Variants in RBFOX1 observed in about 807,000 individuals in gnomAD.
The protein encoded by RBFOX1 is RNA binding fox-1 homolog 1.
In RBFOX1, 8 loss-of-function variants were observed where a neutral mutation model predicts 57.7. The ratio of observed to expected loss-of-function variants is 0.14; its 90% CI spans 0.08 to 0.25. RBFOX1 has a LOEUF of 0.25. Ranked by LOEUF, RBFOX1 falls within the 10% of genes least tolerant of loss-of-function variation. The pLI, the probability that RBFOX1 is intolerant of heterozygous loss-of-function variation, is 1.00. For synonymous variants in RBFOX1, 326 were observed against 222.4 expected, an observed-to-expected ratio of 1.47 and a Z score of -4.15; for missense variants, 611 against 548.5, an observed-to-expected ratio of 1.11 and a Z score of -1.14.
At chr16:6,519,440 G>A (rs532171822) in intron 2 of RBFOX1, among the ~76,000 whole-genome samples, 2 of 152,136 alleles carry the variant, frequency 1.3e-5, no homozygotes, top group Non-Finnish European at 2.9e-5. Context: ...GTGGCTCATG[G>A]CTGTAATCCC....
chr16:7,114,547 G>C (rs17142384), intron 4 of RBFOX1, among the ~76,000 whole-genome samples: 1,856 of 152,280 alleles, frequency 0.012, 46 homozygotes, highest in African/African-American at 0.042. Flanking sequence ...GACACCATGA[G>C]CCTAATGAGA....
Position 6,227,274 on chromosome 16 carries a change from C to A in RBFOX1, c.-126-89721C>A, listed in dbSNP as rs568466900. ...AAACGCACCCTCAGAGCGTTTGATT[C>A]AGTGATTCTAAAACGGAGTCTAAGA... On this transcript the variant is annotated intron_variant, in intron 1 of 15. Coordinates refer to ENST00000550418, the MANE Select transcript of RBFOX1 (RefSeq NM_018723.4). 2.0e-5 allele frequency among the ~76,000 whole-genome samples: 3 copies of A among 152,258 alleles called. No individual in the cohort carries two copies. The East Asian group carries it at 5.8e-4, about 29-fold the overall frequency.
chr16:7,393,885 G>A (rs1031052141), intron 4 of RBFOX1, among the ~76,000 whole-genome samples: 1 of 152,226 alleles, frequency 6.6e-6, no homozygotes, highest in African/African-American at 2.4e-5. Flanking sequence ...AAACACCCAC[G>A]TCAGCAGGAA....
At chr16:6,641,086 G>A (rs1206842236) in intron 2 of RBFOX1, among the ~76,000 whole-genome samples, 4 of 152,194 alleles carry the variant, frequency 2.6e-5, no homozygotes, top group African/African-American at 9.7e-5. Context: ...TGCTTAAATG[G>A]AGTGCACTAA....
At chr16:5,810,084 C>A (rs1485038171) in intron 3 of RBFOX1, among the ~76,000 whole-genome samples, 3 of 151,458 alleles carry the variant, frequency 2.0e-5, no homozygotes, top group African/African-American at 7.3e-5. Context: ...GACAAAAAAC[C>A]AAACACCATA....
intron 1 of RBFOX1, among the ~76,000 whole-genome samples, chr16:5,351,425 A>G (rs1276889844): frequency 2.0e-5 from 3 of 152,136 alleles, no homozygotes; most frequent in African/African-American, 7.2e-5. Context: ...GTGGGAGAGA[A>G]AGGCAGGATT....
intron 1 of RBFOX1, among the ~76,000 whole-genome samples, chr16:5,303,564 A>G (rs11649669): frequency 0.63 from 95,531 of 151,908 alleles, 30,761 homozygotes; most frequent in South Asian, 0.73. Context: ...AGTGTTTTAG[A>G]TAAACTTCAG....
chr16:7,565,917 C>T (rs780691590), intron 5 of RBFOX1, among the ~76,000 whole-genome samples: 1 of 151,858 alleles, frequency 6.6e-6, no homozygotes, highest in African/African-American at 2.4e-5. Flanking sequence ...GTTTCTACAC[C>T]GTGATGGTGA....
chr16:6,703,383 A>G (rs2062161842), intron 3 of RBFOX1, among the ~76,000 whole-genome samples: 1 of 151,906 alleles, frequency 6.6e-6, no homozygotes, highest in Admixed American at 6.6e-5. Flanking sequence ...AGGCCAGCCT[A>G]GGCAACATAG....
At chr16:6,204,315 G>C (rs941031554) in intron 1 of RBFOX1, among the ~76,000 whole-genome samples, 2 of 152,148 alleles carry the variant, frequency 1.3e-5, no homozygotes, top group African/African-American at 4.8e-5. Context: ...TCAATGTTGC[G>C]ACAAGATTGA....
chr16:6,931,279 A>G (rs867355307), intron 3 of RBFOX1, among the ~76,000 whole-genome samples: 1,970 of 140,868 alleles, frequency 0.014, 50 homozygotes, highest in African/African-American at 0.049. Flanking sequence ...AAATCTATCT[A>G]TCTGTCTGTC....
chr16:5,421,997 C>T (rs2067343523), intron 1 of RBFOX1, among the ~76,000 whole-genome samples: 1 of 152,172 alleles, frequency 6.6e-6, no homozygotes, highest in South Asian at 2.1e-4. Flanking sequence ...GGTGTCTATA[C>T]ACTTGCTCAA....
intron 3 of RBFOX1, among the ~76,000 whole-genome samples, chr16:6,712,853 C>A (rs1174677405): frequency 6.7e-6 from 1 of 149,458 alleles, no homozygotes; most frequent in East Asian, 2.0e-4. Flanking sequence ...ATGGGAGGGA[C>A]CCAGTGGGAG....
At chr16:7,231,740 T>C (rs976753487) in intron 4 of RBFOX1, among the ~76,000 whole-genome samples, 31 of 152,172 alleles carry the variant, frequency 2.0e-4, no homozygotes, top group African/African-American at 7.5e-4. Context: ...GGAGCTACTG[T>C]TACATGCTAC....
rs1231560510 is a variant in RBFOX1, at chr16:6,895,486, A to ATATATATG, written c.-15-156570_-15-156569insATATATGT. On this transcript the variant is annotated intron_variant, in intron 3 of 15. Coordinates refer to ENST00000550418, the MANE Select transcript of RBFOX1 (RefSeq NM_018723.4). ...TATATATATATATATATATATATAT[A>ATATATATG]TTTATTCCCCTATTGGATAACAAGC... Among the ~76,000 whole-genome samples the ATATATATG allele has an allele frequency of 3.4e-3, 309 of 91,562 alleles. 3 individuals carry two copies. Among genetic ancestry groups the ATATATATG allele is most frequent in the Middle Eastern group, 0.019 (3 of 162 alleles). The allele number at this position is 91,562 out of a possible 152,430, so 60.1% of individuals were successfully genotyped here.
chr16:6,835,533 C>G (rs1436295277), intron 3 of RBFOX1, among the ~76,000 whole-genome samples: 2 of 152,010 alleles, frequency 1.3e-5, no homozygotes, highest in Admixed American at 6.5e-5. Context: ...GGGAAGATCA[C>G]TTGAGGCCAG....
Position 7,291,363 on chromosome 16 carries a change from C to T in RBFOX1, c.28-226784C>T, listed in dbSNP as rs1292386410. Among the ~76,000 whole-genome samples, 4 of 152,140 alleles carry T rather than the reference C, an allele frequency of 2.6e-5. No individual in the cohort carries two copies. The East Asian group carries it at 7.7e-4, about 29-fold the overall frequency. On this transcript the variant is annotated intron_variant, in intron 4 of 15. Coordinates refer to ENST00000550418, the MANE Select transcript of RBFOX1 (RefSeq NM_018723.4). Reference sequence around the variant, plus strand: ...TGAGACTGAGAGCAAAGGAACTTACCTAAGTATAGCTTTTTCCCCCTTTTC... The same window carrying T: ...TGAGACTGAGAGCAAAGGAACTTACTTAAGTATAGCTTTTTCCCCCTTTTC...
intron 4 of RBFOX1, among the ~76,000 whole-genome samples, chr16:7,467,119 G>C (rs150360840): frequency 6.6e-6 from 1 of 152,166 alleles, no homozygotes; most frequent in Non-Finnish European, 1.5e-5. Flanking sequence ...AGTAACACAA[G>C]CATCTAACAG....
chr16:5,909,050 A>G (rs986945579), intron 4 of RBFOX1, among the ~76,000 whole-genome samples: 10 of 148,188 alleles, frequency 6.7e-5, no homozygotes, highest in African/African-American at 1.3e-4. Context: ...CACTTAGTTC[A>G]TGGTATTTTA....
Sources: allele counts gnomAD v4.1 joint callset (sites outside exome capture counted in the v4.1 genomes callset), GRCh38; gene constraint gnomAD v4.1.1; transcripts MANE v1.5; gene names NCBI Gene and HGNC (gene_info 2026-07-23, HGNC 2026-07-21).